WDFY3: variants seen among roughly 807,000 people sequenced by gnomAD.
The protein encoded by WDFY3 is WD repeat and FYVE domain-containing protein 3.
In WDFY3, 66 loss-of-function variants were observed where a neutral mutation model predicts 409.6. The ratio of observed to expected loss-of-function variants is 0.16; its 90% CI spans 0.13 to 0.20. The LOEUF is 0.20. WDFY3 is among the 10% of genes least tolerant of loss of function. The pLI, the probability that WDFY3 is intolerant of heterozygous loss-of-function variation, is 1.00. For synonymous variants in WDFY3, 1,521 were observed against 1,537.1 expected, an observed-to-expected ratio of 0.99 and a Z score of 0.25; for missense variants, 3,031 against 4,298.1, an observed-to-expected ratio of 0.71 and a Z score of 8.24.
At chr4:84,933,165 G>A (rs1285623171) in intron 1 of WDFY3, among the ~76,000 whole-genome samples, 2 of 152,028 alleles carry the variant, frequency 1.3e-5, no homozygotes, top group Admixed American at 6.6e-5. Context: ...TTTCAGATGA[G>A]CTATGTGTTT....
chr4:84,713,845 G>A (rs1733359000), intron 50 of WDFY3, among the ~76,000 whole-genome samples: 1 of 152,158 alleles, frequency 6.6e-6, no homozygotes, highest in African/African-American at 2.4e-5. Flanking sequence ...TAGGCTGTGT[G>A]TGGTGGCTCA....
chr4:84,719,767 G>A (rs1185620346), intron 47 of WDFY3, among the ~76,000 whole-genome samples: 2 of 152,128 alleles, frequency 1.3e-5, no homozygotes, highest in Non-Finnish European at 2.9e-5. Context: ...AAAATTTTGT[G>A]TGACCAGCAT....
chr4:84,698,296 T>A (rs1485640393), intron 56 of WDFY3, among the ~76,000 whole-genome samples: 1 of 148,772 alleles, frequency 6.7e-6, no homozygotes, highest in East Asian at 1.9e-4. Context: ...ATATATTTTT[T>A]TTTTTTGAGA....
intron 1 of WDFY3, among the ~76,000 whole-genome samples, chr4:84,957,150 A>G (rs1291971188): frequency 6.6e-6 from 1 of 151,902 alleles, no homozygotes; most frequent in South Asian, 2.1e-4. Context: ...ACAAAACCCC[A>G]AACTGAAAAC....
chr4:84,721,621 G>A, intron 46 of WDFY3, 49 bp from the exon 47 acceptor site: 3 of 1,590,054 alleles, frequency 1.9e-6, no homozygotes, highest in Non-Finnish European at 1.7e-6. Flanking sequence ...AGGACCTTGT[G>A]GGGAAGCAGT....
chr4:84,789,636 C>T (rs1358286007), intron 22 of WDFY3, 90 bp downstream of exon 22: 5 of 995,760 alleles, frequency 5.0e-6, no homozygotes, highest in South Asian at 1.8e-5. Flanking sequence ...CCCTGTAACA[C>T]ACACACACAC....
chr4:84,863,128 G>A (rs976574747), intron 3 of WDFY3, among the ~76,000 whole-genome samples: 2 of 152,120 alleles, frequency 1.3e-5, no homozygotes, highest in East Asian at 1.9e-4. Context: ...TTCTGTCAAG[G>A]GACATTCAGA....
intron 1 of WDFY3, among the ~76,000 whole-genome samples, chr4:84,963,087 A>C (rs1775119617): frequency 6.6e-6 from 1 of 151,958 alleles, no homozygotes; most frequent in Non-Finnish European, 1.5e-5. Flanking sequence ...ACATAAATAG[A>C]AATATAGATT....
At chr4:84,771,327 G>A (rs951577647) in intron 30 of WDFY3, among the ~76,000 whole-genome samples, 9 of 152,054 alleles carry the variant, frequency 5.9e-5, no homozygotes, top group Admixed American at 1.3e-4. Flanking sequence ...TTGTAGAGAC[G>A]GAGCTTTGCC....
rs150093450 is a variant in WDFY3, at chr4:84,888,311, G to A, written c.-32+8600C>T. ...TCCCAGCACTTTGGAAGGCCAAGGC[G>A]AGAGGACTGTTTAAGCCCAGAAGTT... On this transcript the variant is annotated intron_variant, in intron 3 of 67. Transcript: ENST00000295888. Among the ~76,000 whole-genome samples the A allele has an allele frequency of 5.4e-3, 818 of 152,272 alleles. 8 individuals are homozygous for A. The highest frequency in any genetic ancestry group is 0.018 in the African/African-American group (767 of 41,574).
chr4:84,753,825 G>C lies in WDFY3; in HGVS notation c.5611C>G (p.Leu1871Val), dbSNP rs754979697. The C allele has an allele frequency of 2.7e-5, 44 of 1,609,558 alleles. No homozygotes were observed. The highest frequency in any genetic ancestry group is 3.1e-5 in the Non-Finnish European group (37 of 1,178,360). The change falls in exon 35 of 68, where the codon CTG becomes GTG. Residue 1871 changes from leucine (L) to valine (V), a missense_variant. Transcript: ENST00000295888. ...GSWLREYPVT[L>V]MQFFRYLYHN... ...TACAAATATCTGAAGAACTGCATCA[G>C]GGTCACAGGATATTCTCGGAGCCAA... is the stretch of plus-strand genomic sequence containing the variant.
chr4:84,792,401 T>C (rs981936585), intron 21 of WDFY3, among the ~76,000 whole-genome samples: 1 of 152,208 alleles, frequency 6.6e-6, no homozygotes, highest in African/African-American at 2.4e-5. Flanking sequence ...CCCTCTTCCT[T>C]CCCTGGTTCG....
Position 84,787,627 on chromosome 4 carries a change from T to G in WDFY3, c.3756A>C (p.Pro1252=). The G allele has an allele frequency of 6.2e-7, 1 of 1,614,152 alleles. No homozygotes were observed. The highest frequency in any genetic ancestry group is 1.7e-5 in the Admixed American group (1 of 60,020). ...VSTVYAYIGT[P]PAQRQIASLV... ...ATGAGGCAATTTGGCGTTGGGCAGG[T>G]GGAGTACCAATGTAGGCATAGACCG... The change falls in exon 23 of 68, where the codon CCA becomes CCC. Residue 1252 remains proline, a synonymous_variant. Transcript: ENST00000295888.
chr4:84,879,086 T>G (rs2150378223), intron 3 of WDFY3, among the ~76,000 whole-genome samples: 1 of 152,296 alleles, frequency 6.6e-6, no homozygotes, highest in South Asian at 2.1e-4. Context: ...GAGACAAAAC[T>G]TTTGCAAGGT....
intron 6 of WDFY3, among the ~76,000 whole-genome samples, chr4:84,840,659 C>G (rs1029486754): frequency 6.6e-5 from 10 of 152,050 alleles, no homozygotes; most frequent in Non-Finnish European, 1.5e-4. Flanking sequence ...CTCACTGCAG[C>G]CTCAACCTCC....
At chr4:84,846,966 G>A (rs886910259) in intron 5 of WDFY3, among the ~76,000 whole-genome samples, 8 of 152,144 alleles carry the variant, frequency 5.3e-5, no homozygotes, top group Non-Finnish European at 7.4e-5. Flanking sequence ...TGGAAAATAT[G>A]TTCAAGAGCA....
intron 3 of WDFY3, among the ~76,000 whole-genome samples, chr4:84,883,448 T>A (rs1373323153): frequency 6.6e-6 from 1 of 152,214 alleles, no homozygotes; most frequent in Non-Finnish European, 1.5e-5. Context: ...TCTCATCATC[T>A]TCTTAGAAGG....
chr4:84,789,588 A>G (rs1046869741), intron 22 of WDFY3, 138 bp downstream of exon 22: 19 of 909,638 alleles, frequency 2.1e-5, no homozygotes, highest in Non-Finnish European at 2.6e-5. Context: ...TGGGTACTGA[A>G]TATCAACTTA....
chr4:84,810,114 G>A lies in WDFY3; in HGVS notation c.2118C>T (p.Phe706=), dbSNP rs781075957. 5.6e-6 allele frequency: 9 copies of A among 1,614,006 alleles called. No homozygotes were observed. In the Admixed American group the frequency reaches 1.0e-4, roughly 18 times the overall value. The change falls in exon 14 of 68, where the codon TTC becomes TTT. Residue 706 remains phenylalanine (F), a synonymous_variant. Coordinates refer to ENST00000295888, the MANE Select transcript of WDFY3 (RefSeq NM_014991.6). ...MRYEPANSHF[F]KTEIQYEKLA... is the part of the protein sequence containing the mutation. ...ACTTCTCATACTGAATCTCTGTTTT[G>A]AAGAAATGAGAGTTGGCTGGCTCAT...
Sources: allele counts gnomAD v4.1 joint callset (sites outside exome capture counted in the v4.1 genomes callset), GRCh38; gene constraint gnomAD v4.1.1; transcripts MANE v1.5; gene names NCBI Gene and HGNC (gene_info 2026-07-23, HGNC 2026-07-21).